Variants in AFF2 observed in about 807,000 individuals in gnomAD.
The protein encoded by AFF2 is ALF transcription elongation factor 2.
AFF2 carries 14 observed loss-of-function variants against 76.9 expected under a neutral mutation model. The ratio of observed to expected loss-of-function variants is 0.18; its 90% CI spans 0.12 to 0.28. The LOEUF is 0.28. AFF2 is among the 10% of genes least tolerant of loss of function. The pLI, the probability that AFF2 is intolerant of heterozygous loss-of-function variation, is 1.00. For missense variants in AFF2, 868 were observed against 1,001.1 expected, an observed-to-expected ratio of 0.87 and a Z score of 1.79; for synonymous variants, 398 against 366.7, an observed-to-expected ratio of 1.09 and a Z score of -0.98.
intron 9 of AFF2, among the ~76,000 whole-genome samples, chrX:148,910,300 C>T (rs939020074): frequency 1.6e-4 from 18 of 112,440 alleles, no homozygotes; most frequent in Admixed American, 4.7e-4. Flanking sequence ...GATATTTGCA[C>T]ATTATTCATT....
At chrX:148,852,796 G>T (rs782685177) in intron 7 of AFF2, among the ~76,000 whole-genome samples, 1 of 111,808 alleles carries the variant, frequency 8.9e-6, no homozygotes, top group African/African-American at 3.2e-5. Flanking sequence ...TACTCTCAAG[G>T]GCTCAGAGAG....
chrX:148,510,887 A>T (rs1276392305), intron 1 of AFF2, among the ~76,000 whole-genome samples: 1 of 112,138 alleles, frequency 8.9e-6, no homozygotes, highest in Non-Finnish European at 1.9e-5. Flanking sequence ...ACTTTGTGTG[A>T]TTAAATTTGT....
chrX:148,650,850 A>G (rs1382657459), intron 1 of AFF2, among the ~76,000 whole-genome samples: 1 of 112,326 alleles, frequency 8.9e-6, no homozygotes, highest in Non-Finnish European at 1.9e-5. Flanking sequence ...ATATCAGTAG[A>G]TCTCTTATAA....
At chrX:148,941,426 T>C (rs2071832923) in intron 9 of AFF2, among the ~76,000 whole-genome samples, 1 of 112,056 alleles carries the variant, frequency 8.9e-6, no homozygotes, top group South Asian at 3.7e-4. Context: ...CTGGGTTGGC[T>C]AATGTATCAA....
Position 148,648,577 on chromosome X carries a change from A to G in AFF2, c.48-3422A>G, listed in dbSNP as rs782351899. Among the ~76,000 whole-genome samples the G allele has an allele frequency of 5.2e-4, 56 of 107,820 alleles. 2 individuals are homozygous for G. The highest frequency in any genetic ancestry group is 9.6e-4 in the Non-Finnish European group (50 of 52,146). The allele number at this position is 107,820 out of a possible 115,157, so 93.6% of individuals were successfully genotyped here. A position where few individuals can be genotyped will look rare whatever the true frequency, so the allele number is the denominator to read the frequency against. ...AAACTCCGTCAAAAAAAAAAAAAAA[A>G]AAAAAAAAGAAAAGAAAAAAAATCC... is the stretch of plus-strand genomic sequence containing the variant. On this transcript the variant is annotated intron_variant, in intron 1 of 20. Coordinates refer to ENST00000370460, the MANE Select transcript of AFF2 (RefSeq NM_002025.4).
chrX:148,528,641 G>A (rs186987378), intron 1 of AFF2, among the ~76,000 whole-genome samples: 1 of 111,111 alleles, frequency 9.0e-6, no homozygotes, highest in African/African-American at 3.3e-5. Flanking sequence ...TTACATTTTG[G>A]ATTCACTCCA....
intron 1 of AFF2, among the ~76,000 whole-genome samples, chrX:148,538,652 T>G (rs186336966): frequency 8.9e-6 from 1 of 112,578 alleles, no homozygotes; most frequent in Admixed American, 9.4e-5. Context: ...CACAAATAGC[T>G]ACTGTTTCTT....
intron 1 of AFF2, among the ~76,000 whole-genome samples, chrX:148,580,567 A>AAAAGCCG (rs1432804551): frequency 1.8e-5 from 2 of 111,194 alleles, no homozygotes; most frequent in Admixed American, 9.6e-5. Flanking sequence ...AGACATAATC[A>AAAAGCCG]AATAGTAATT....
Position 148,843,291 on chromosome X carries a change from G to A in AFF2, c.1211-91G>A, listed in dbSNP as rs1603311092. The A allele has an allele frequency of 7.6e-6, 6 of 790,053 alleles. No homozygotes were observed. In the East Asian group the frequency reaches 1.9e-4, roughly 26 times the overall value. 65.1% of individuals were successfully genotyped at this position (790,053 alleles called of 1,213,427 possible). On this transcript the variant is annotated intron_variant, in intron 6 of 20. Transcript: ENST00000370460. ...TTACTTATCTCAAGAAGGTAACTCGGGGGACTGCATGTTTGGAGATCAATT... is the reference window on the plus strand; with the variant it reads ...TTACTTATCTCAAGAAGGTAACTCGAGGGACTGCATGTTTGGAGATCAATT...
At position 148,905,163 on chromosome X, in the gene AFF2, G is replaced by A. The variant is rs150394221; in HGVS notation, c.1397+905G>A. 2.2e-3 allele frequency among the ~76,000 whole-genome samples: 252 copies of A among 112,204 alleles called. 2 individuals carry two copies. Among genetic ancestry groups the A allele is most frequent in the African/African-American group, 7.5e-3 (233 of 30,878 alleles). ...TGCCAACAAGAAATGTTTTTGTTTT[G>A]TATAATAAAATAACTAAATTTCCAG... is the stretch of plus-strand genomic sequence containing the variant. On this transcript the variant is annotated intron_variant, in intron 9 of 20. Coordinates refer to ENST00000370460, the MANE Select transcript of AFF2 (RefSeq NM_002025.4).
chrX:148,656,593 G>T (rs1040073669), intron 2 of AFF2, among the ~76,000 whole-genome samples: 1 of 97,016 alleles, frequency 1.0e-5, no homozygotes, highest in Admixed American at 1.1e-4. Flanking sequence ...TCCGCCTCCC[G>T]GGTTCACGCC....
chrX:148,933,483 C>G (rs1334766489), intron 9 of AFF2, among the ~76,000 whole-genome samples: 3 of 111,412 alleles, frequency 2.7e-5, no homozygotes, highest in Non-Finnish European at 5.6e-5. Context: ...GGGGTAGAAA[C>G]AGAGAGAACA....
intron 18 of AFF2, 115 bp from the exon 19 acceptor site, chrX:148,980,623 C>T (rs1389771087): frequency 3.7e-6 from 2 of 536,107 alleles, no homozygotes; most frequent in Non-Finnish European, 6.0e-6. Flanking sequence ...GCTCTGCATC[C>T]CGAAATGCTG....
chrX:148,951,584 T>C (rs1287630105), intron 9 of AFF2, among the ~76,000 whole-genome samples: 2 of 112,268 alleles, frequency 1.8e-5, no homozygotes, highest in Admixed American at 9.4e-5. Context: ...GCAGATGCTC[T>C]GTGTTATATT....
intron 13 of AFF2, among the ~76,000 whole-genome samples, chrX:148,964,606 A>G (rs2072150013): frequency 8.9e-6 from 1 of 111,793 alleles, no homozygotes; most frequent in Non-Finnish European, 1.9e-5. Flanking sequence ...ATAGAGACAG[A>G]CAGTAGAATG....
chrX:148,793,334 C>A (rs2069925273), intron 3 of AFF2, among the ~76,000 whole-genome samples: 1 of 111,949 alleles, frequency 8.9e-6, no homozygotes, highest in Non-Finnish European at 1.9e-5. Context: ...CTTTGCCTCC[C>A]TTTTATGTAA....
At chrX:148,892,010 G>A (rs1221436334) in intron 8 of AFF2, among the ~76,000 whole-genome samples, 3 of 111,784 alleles carry the variant, frequency 2.7e-5, no homozygotes, top group African/African-American at 9.8e-5. Context: ...TTAAAGCTTG[G>A]AGTAGTATGC....
At chrX:148,800,109 A>C (rs2070037517) in intron 3 of AFF2, among the ~76,000 whole-genome samples, 1 of 112,004 alleles carries the variant, frequency 8.9e-6, no homozygotes, top group Non-Finnish European at 1.9e-5. Context: ...AATAGATAAA[A>C]GTGTTTTAAT....
chrX:148,614,717 C>CTTTCT (rs1557249976), intron 1 of AFF2, among the ~76,000 whole-genome samples: 2,426 of 47,577 alleles, frequency 0.051, 172 homozygotes, highest in African/African-American at 0.19. Flanking sequence ...TTCTTTCTTT[C>CTTTCT]TTTCTTTCTT....
Sources: allele counts gnomAD v4.1 joint callset (sites outside exome capture counted in the v4.1 genomes callset), GRCh38; gene constraint gnomAD v4.1.1; transcripts MANE v1.5; gene names NCBI Gene and HGNC (gene_info 2026-07-23, HGNC 2026-07-21).